The following TMEFF2 variants were observed in gnomAD, a reference collection of about 807,000 sequenced individuals.
The protein encoded by TMEFF2 is tomoregulin-2.
TMEFF2 carries 28 observed loss-of-function variants against 53.8 expected under a neutral mutation model. That is an observed-to-expected ratio of 0.52 (90% CI 0.39 to 0.71). The LOEUF (loss-of-function observed/expected upper bound fraction) is 0.71, where lower values mean the gene tolerates loss of function less well. TMEFF2 is among the 30% of genes least tolerant of loss of function. The probability of loss-of-function intolerance (pLI) is 0.00; values close to 1 mark genes in which losing one functional copy is unlikely to be tolerated. For synonymous variants in TMEFF2, 162 were observed against 166.3 expected (o/e 0.97, Z 0.20); for missense variants, 353 against 455.2 (o/e 0.78, Z 2.04).
intron 4 of TMEFF2, among the ~76,000 whole-genome samples, chr2:192,081,510 C>T (rs1688551483): frequency 6.6e-6 from 1 of 152,132 alleles, no homozygotes; most frequent in African/African-American, 2.4e-5. Context: ...TCTACAGAAT[C>T]AACTGTGCTA....
intron 4 of TMEFF2, chr2:192,177,601 T>C (rs1691077200): frequency 6.7e-6 from 1 of 150,066 alleles, no homozygotes; most frequent in African/African-American, 2.4e-5. Context: ...TGTTATATGC[T>C]TTTTTTTTCT....
intron 5 of TMEFF2, chr2:192,031,728 C>T (rs1687142970): frequency 6.6e-6 from 1 of 152,106 alleles, no homozygotes; most frequent in Non-Finnish European, 1.5e-5. Context: ...CCAAAATGAG[C>T]CCTTGTGTAG....
intron 7 of TMEFF2, among the ~76,000 whole-genome samples, chr2:191,977,731 G>T (rs892526323): frequency 1.3e-5 from 2 of 152,138 alleles, no homozygotes; most frequent in Admixed American, 6.5e-5. Context: ...CAAATCTTAT[G>T]ACTTGAAGTG....
chr2:192,025,643 A>G (rs756791550), intron 5 of TMEFF2, among the ~76,000 whole-genome samples: 1 of 152,130 alleles, frequency 6.6e-6, no homozygotes, highest in African/African-American at 2.4e-5. Flanking sequence ...AATAATAAAA[A>G]ACTCTGTCTG....
intron 7 of TMEFF2, among the ~76,000 whole-genome samples, chr2:191,964,369 T>TC (rs1559063496): frequency 9.1e-5 from 6 of 66,178 alleles, no homozygotes; most frequent in Non-Finnish European, 1.5e-4. Flanking sequence ...TCTTTCTTTC[T>TC]TTCTCTTTCT....
chr2:191,991,836 A>C (rs13409602), intron 7 of TMEFF2, among the ~76,000 whole-genome samples: 4,871 of 152,214 alleles, frequency 0.032, 266 homozygotes, highest in African/African-American at 0.11. Context: ...CTTCAGTGGA[A>C]AATCTTCATC....
intron 4 of TMEFF2, among the ~76,000 whole-genome samples, chr2:192,068,484 A>G (rs1688215637): frequency 6.6e-6 from 1 of 151,874 alleles, no homozygotes; most frequent in Non-Finnish European, 1.5e-5. Flanking sequence ...ATTGAGGAGT[A>G]AAAGGATCAA....
intron 1 of TMEFF2, among the ~76,000 whole-genome samples, chr2:192,193,620 C>T (rs931885199): frequency 6.6e-6 from 1 of 152,122 alleles, no homozygotes; most frequent in African/African-American, 2.4e-5. Flanking sequence ...CTGGGAGACC[C>T]GCAAAGTGTT....
At chr2:192,102,973 A>C (rs949681529) in intron 4 of TMEFF2, among the ~76,000 whole-genome samples, 2 of 152,026 alleles carry the variant, frequency 1.3e-5, no homozygotes, top group African/African-American at 4.8e-5. Context: ...GTGGTGTGGA[A>C]TACTGCATCT....
At chr2:192,058,252 G>A (rs1262201552) in intron 4 of TMEFF2, among the ~76,000 whole-genome samples, 1 of 151,960 alleles carries the variant, frequency 6.6e-6, no homozygotes, top group Non-Finnish European at 1.5e-5. Flanking sequence ...ATTAGATAAT[G>A]CCCCCATTTT....
intron 4 of TMEFF2, among the ~76,000 whole-genome samples, chr2:192,119,636 G>A (rs1689500603): frequency 1.3e-5 from 2 of 152,120 alleles, no homozygotes; most frequent in Admixed American, 6.5e-5. Flanking sequence ...TTTACTTTGG[G>A]GTTTCACCTC....
intron 5 of TMEFF2, among the ~76,000 whole-genome samples, chr2:192,029,954 A>G (rs1687086742): frequency 6.6e-6 from 1 of 152,210 alleles, no homozygotes; most frequent in African/African-American, 2.4e-5. Context: ...TGAAGAGCAC[A>G]TATCAAGTAG....
chr2:192,113,945 T>C (rs1366670423), intron 4 of TMEFF2, among the ~76,000 whole-genome samples: 1 of 152,106 alleles, frequency 6.6e-6, no homozygotes, highest in African/African-American at 2.4e-5. Context: ...TAAATCTCTT[T>C]TACTTCAAAG....
intron 5 of TMEFF2, among the ~76,000 whole-genome samples, chr2:192,046,541 G>C (rs1687626945): frequency 6.6e-6 from 1 of 152,136 alleles, no homozygotes; most frequent in Non-Finnish European, 1.5e-5. Flanking sequence ...CAGAAATCAA[G>C]GGGTGGAAAT....
chr2:192,175,478 C>T (rs1362150092), intron 4 of TMEFF2, among the ~76,000 whole-genome samples: 1 of 151,508 alleles, frequency 6.6e-6, no homozygotes, highest in Non-Finnish European at 1.5e-5. Flanking sequence ...TGATTTTCTA[C>T]ACCAAATTTA....
At chr2:192,141,194 T>C (rs544979060) in intron 4 of TMEFF2, among the ~76,000 whole-genome samples, 1 of 152,170 alleles carries the variant, frequency 6.6e-6, no homozygotes, top group South Asian at 2.1e-4. Flanking sequence ...GGCTCACGGC[T>C]ATAATCCTAG....
At chr2:192,184,149 T>C (rs764419727) in intron 3 of TMEFF2, among the ~76,000 whole-genome samples, 14 of 152,234 alleles carry the variant, frequency 9.2e-5, no homozygotes, top group African/African-American at 3.1e-4. Context: ...AGTGTCCTTA[T>C]GGTAGATATC....
At chr2:192,030,483 G>A (rs1025390962) in intron 5 of TMEFF2, 11 of 151,988 alleles carry the variant, frequency 7.2e-5, no homozygotes, top group African/African-American at 2.7e-4. Flanking sequence ...CTGTTTCAAT[G>A]ATGAGAAGGC....
At chr2:192,117,909 TGC>T (rs1346017942) in intron 4 of TMEFF2, among the ~76,000 whole-genome samples, 1 of 151,854 alleles carries the variant, frequency 6.6e-6, no homozygotes, top group East Asian at 1.9e-4. Flanking sequence ...TTGAACCACT[TGC>T]TCAAGCCCGC....
Sources: allele counts gnomAD v4.1 joint callset (sites outside exome capture counted in the v4.1 genomes callset), GRCh38; gene constraint gnomAD v4.1.1; transcripts MANE v1.5; gene names NCBI Gene and HGNC (gene_info 2026-07-23, HGNC 2026-07-21).